Variants in HECTD4 observed in about 807,000 individuals in gnomAD.
The protein encoded by HECTD4 is probable E3 ubiquitin-protein ligase HECTD4.
In HECTD4, 114 loss-of-function variants were observed where a neutral mutation model predicts 471.5. The ratio of observed to expected loss-of-function variants is 0.24; its 90% CI spans 0.21 to 0.28. The LOEUF (loss-of-function observed/expected upper bound fraction) is 0.28, where lower values mean the gene tolerates loss of function less well. HECTD4 is among the 10% of genes least tolerant of loss of function. The probability of loss-of-function intolerance (pLI) is 1.00; values close to 1 mark genes in which losing one functional copy is unlikely to be tolerated. For missense variants in HECTD4, 3,866 were observed against 5,651.5 expected, an observed-to-expected ratio of 0.68 and a Z score of 10.13; for synonymous variants, 2,012 against 2,256.0, an observed-to-expected ratio of 0.89 and a Z score of 3.07.
Position 112,216,769 on chromosome 12 carries a change from T to C in HECTD4, c.7385+4A>G. The C allele has an allele frequency of 6.2e-7, 1 of 1,612,658 alleles. No individual in the cohort carries two copies. Among genetic ancestry groups the C allele is most frequent in the Non-Finnish European group, 8.5e-7 (1 of 1,178,784 alleles). On this transcript the variant is annotated splice_donor_region_variant and intron_variant, in intron 47 of 75. Coordinates refer to ENST00000682272, the MANE Select transcript of HECTD4 (RefSeq NM_001388303.1). ...TGTCACACTGAGCTACTTCTTTTACTTACTTATGGAAAAGACAAGTGCCCA... is the reference window on the plus strand; with the variant it reads ...TGTCACACTGAGCTACTTCTTTTACCTACTTATGGAAAAGACAAGTGCCCA...
intron 70 of HECTD4, 86 bp from the exon 71 acceptor site, chr12:112,168,003 C>T (rs1161176999): frequency 1.0e-5 from 11 of 1,098,418 alleles, no homozygotes; most frequent in Middle Eastern, 2.7e-4. Flanking sequence ...CTGGCTGGAG[C>T]GGCTACTCCT....
Position 112,185,287 on chromosome 12 carries a change from T to C in HECTD4, c.9679A>G (p.Thr3227Ala). The C allele has an allele frequency of 1.3e-6, 2 of 1,554,510 alleles. No homozygotes were observed. Among genetic ancestry groups the C allele is most frequent in the Non-Finnish European group, 1.7e-6 (2 of 1,148,872 alleles). Residue 3227 changes from threonine (T) to alanine (A), a missense_variant, in exon 61 of 76, where the codon ACG (threonine) becomes GCG (alanine). Physicochemically the swap from Thr to Ala is moderately conservative, Grantham distance 58. Transcript: ENST00000682272. ...GCGCCGCCTGAGACCCAGTTCTGCG[T>C]CTCCTCGTCGTACAGCTTGTGGAGC... ...SELHKLYDEE[T>A]QNWVSGGACG...
At chr12:112,255,656 C>T (rs375191194) in intron 21 of HECTD4, among the ~76,000 whole-genome samples, 11 of 152,146 alleles carry the variant, frequency 7.2e-5, no homozygotes, top group African/African-American at 2.4e-4. Flanking sequence ...ATAGTATGCA[C>T]GAAGCTATTA....
In HECTD4 at chr12:112,228,074, G is replaced by C. The variant is rs1446389033; in HGVS notation, c.6854+15C>G. The C allele has an allele frequency of 6.3e-7, 1 of 1,596,516 alleles. No homozygotes were observed. Among genetic ancestry groups the C allele is most frequent in the Non-Finnish European group, 8.5e-7 (1 of 1,172,422 alleles). On this transcript the variant is annotated intron_variant, in intron 43 of 75. Transcript: ENST00000682272. The surrounding 1 kb of genome is among the most constrained non-coding windows in gnomAD (Gnocchi z 4.9). ...ACCATGTCAGCACATAAGGCAATGT[G>C]GGGAGGGTACTCACCTTGTCCTTAT...
chr12:112,168,815 A>G (rs1216197923), intron 70 of HECTD4, among the ~76,000 whole-genome samples: 1 of 152,158 alleles, frequency 6.6e-6, no homozygotes, highest in African/African-American at 2.4e-5. Flanking sequence ...TGCTGTGGGA[A>G]GGATAAGGTG....
Position 112,235,816 on chromosome 12 carries a change from C to A in HECTD4, c.5445-32G>T. On this transcript the variant is annotated intron_variant, in intron 35 of 75. Transcript: ENST00000682272. The surrounding 1 kb of genome is among the most constrained non-coding windows in gnomAD (Gnocchi z 5.0). ...AAAAAGGAAGAAAAGGTACACAGTGCTAGAAATGTTGATCTATAGACATTC... is the reference window on the plus strand; with the variant it reads ...AAAAAGGAAGAAAAGGTACACAGTGATAGAAATGTTGATCTATAGACATTC... 6.4e-7 allele frequency: 1 copy of A among 1,568,432 alleles called. No individual in the cohort carries two copies.
rs60224303 is a variant in HECTD4, at chr12:112,173,702, AT to A, written c.11595-842del. 6.7e-6 allele frequency among the ~76,000 whole-genome samples: 1 copy of A among 148,306 alleles called. No homozygotes were observed. The highest frequency in any genetic ancestry group is 2.5e-5 in the African/African-American group (1 of 40,360). On this transcript the variant is annotated intron_variant, in intron 66 of 75. Coordinates refer to ENST00000682272, the MANE Select transcript of HECTD4 (RefSeq NM_001388303.1). The surrounding 1 kb of genome is among the most constrained non-coding windows in gnomAD (Gnocchi z 4.3). The stretch of plus-strand genomic sequence containing the variant: ...AGCCAATGCGCCCGGCCAATTTTTA[AT>A]TTTTTTTTGTAGAGATGGGGTCTCG...
chr12:112,181,523 C>T (rs56298501), intron 62 of HECTD4, among the ~76,000 whole-genome samples: 2 of 152,030 alleles, frequency 1.3e-5, no homozygotes, highest in Admixed American at 6.6e-5. Flanking sequence ...AGTGCAGTGG[C>T]GTGATCTCAG....
In HECTD4 at chr12:112,235,441, G is replaced by T; in HGVS notation, c.5725+63C>A. On this transcript the variant is annotated intron_variant, in intron 36 of 75. Coordinates refer to ENST00000682272, the MANE Select transcript of HECTD4 (RefSeq NM_001388303.1). This position sits in a 1 kb window ranked among gnomAD's most constrained non-coding sequence, Gnocchi z 5.0. Reference sequence around the variant, plus strand: ...ATCATAGGAAGCACAGATGCAAGGGGGACCTGACTGGGCACAGGAATGCTG... The same window carrying T: ...ATCATAGGAAGCACAGATGCAAGGGTGACCTGACTGGGCACAGGAATGCTG... 6.5e-7 allele frequency: 1 copy of T among 1,538,894 alleles called. No individual in the cohort carries two copies. Among genetic ancestry groups the T allele is most frequent in the South Asian group, 1.3e-5 (1 of 78,092 alleles).
chr12:112,186,329 A>AT (rs2031861540), intron 60 of HECTD4, among the ~76,000 whole-genome samples: 1 of 97,948 alleles, frequency 1.0e-5, no homozygotes, highest in South Asian at 3.2e-4. Context: ...TTTTTTAATT[A>AT]TTTTTTTAAT....
intron 1 of HECTD4, among the ~76,000 whole-genome samples, chr12:112,377,668 C>T (rs542969761): frequency 1.7e-4 from 26 of 152,236 alleles, no homozygotes; most frequent in East Asian, 5.8e-4. Flanking sequence ...GTTAGGAGTT[C>T]GAGACCAGCC....
chr12:112,262,541 A>AAAAAAAAAAAAAAAAAC (rs2034172667), intron 17 of HECTD4, among the ~76,000 whole-genome samples: 1 of 150,508 alleles, frequency 6.6e-6, no homozygotes, highest in African/African-American at 2.4e-5. Context: ...AAAAAAAAAA[A>AAAAAAAAAAAAAAAAAC]AGAATCTACT....
intron 1 of HECTD4, among the ~76,000 whole-genome samples, chr12:112,351,636 G>A (rs1183133287): frequency 1.3e-5 from 2 of 152,172 alleles, no homozygotes; most frequent in East Asian, 3.9e-4. Context: ...TAGGCAAGGG[G>A]TAAAAGTGAA....
intron 1 of HECTD4, among the ~76,000 whole-genome samples, chr12:112,337,790 A>C (rs1846708989): frequency 6.6e-6 from 1 of 152,174 alleles, no homozygotes; most frequent in Non-Finnish European, 1.5e-5. Context: ...TTCCAAACTA[A>C]ATTTTTTAAA....
At chr12:112,277,465 T>A (rs1298750667) in intron 9 of HECTD4, among the ~76,000 whole-genome samples, 4 of 152,134 alleles carry the variant, frequency 2.6e-5, no homozygotes, top group Admixed American at 1.3e-4. Context: ...AAAAAAGAGC[T>A]GGGTCTGGTG....
chr12:112,226,502 G>A (rs988701143), intron 44 of HECTD4, 141 bp downstream of exon 44: 23 of 486,348 alleles, frequency 4.7e-5, no homozygotes, highest in African/African-American at 3.5e-4. Context: ...TGTGATGCAC[G>A]TGAGTTGTGA....
Position 112,169,662 on chromosome 12 carries a change from G to T in HECTD4, c.12053-4C>A. On this transcript the variant is annotated splice_polypyrimidine_tract_variant and splice_region_variant and intron_variant, in intron 69 of 75. Coordinates refer to ENST00000682272, the MANE Select transcript of HECTD4 (RefSeq NM_001388303.1). ...TTTTCAGAAGCTCTGATTTCCCCTG[G>T]AAAGTGAGATGAGCTGATCAAAGCA... 6.2e-7 allele frequency: 1 copy of T among 1,612,802 alleles called. No individual in the cohort carries two copies.
rs1333525719 is a variant in HECTD4, at chr12:112,212,471, C to G, written c.7629+16G>C. 1 of 1,598,492 alleles carries G rather than the reference C, an allele frequency of 6.3e-7. No individual in the cohort carries two copies. Among genetic ancestry groups the G allele is most frequent in the South Asian group, 1.1e-5 (1 of 89,422 alleles). On this transcript the variant is annotated intron_variant, in intron 49 of 75. Coordinates refer to ENST00000682272, the MANE Select transcript of HECTD4 (RefSeq NM_001388303.1). ...TGAAGGAGAATTTGTTTTCCTTTCC[C>G]AACAAGGTAACCTGCCTTTTTCTGA...
intron 1 of HECTD4, among the ~76,000 whole-genome samples, chr12:112,363,303 CTTG>C (rs944275419): frequency 3.3e-5 from 5 of 151,508 alleles, no homozygotes; most frequent in Admixed American, 6.6e-5. Flanking sequence ...AAGATGAGGT[CTTG>C]TTGTGTTGCC....
Sources: allele counts gnomAD v4.1 joint callset (sites outside exome capture counted in the v4.1 genomes callset), GRCh38; gene constraint gnomAD v4.1.1; non-coding constraint Gnocchi (gnomAD v3.1); transcripts MANE v1.5; gene names NCBI Gene and HGNC (gene_info 2026-07-23, HGNC 2026-07-21).